NDUFS1: variants seen among roughly 807,000 people sequenced by gnomAD.
NDUFS1 encodes NADH-ubiquinone oxidoreductase 75 kDa subunit, mitochondrial.
A neutral mutation model predicts 84.4 loss-of-function variants in NDUFS1; 61 were observed. That is an observed-to-expected ratio of 0.72 (90% confidence interval 0.59 to 0.89). The LOEUF (loss-of-function observed/expected upper bound fraction) is 0.89. Ranked by LOEUF, NDUFS1 falls within the 40% of genes least tolerant of loss-of-function variation. The pLI is 0.00. For synonymous variants in NDUFS1, 275 were observed against 290.0 expected, an observed-to-expected ratio of 0.95 and a Z score of 0.53; for missense variants, 891 against 890.0, an observed-to-expected ratio of 1.00 and a Z score of -0.01.
chr2:206,133,090 T>C lies in NDUFS1; in HGVS notation c.1408A>G (p.Lys470Glu). ...HPFSQVLKEA[K>E]KPMVVLGSSA... ...CTGCCTAAAACCACCATTGGTTTTT[T>C]AGCTTCCTTTAGGACCTATTTAAAA... The change falls in exon 14 of 19, where the codon AAA becomes GAA. Residue 470 changes from lysine to glutamate, a missense_variant. By Grantham distance (56) the Lys-to-Glu change is moderately conservative. Transcript: ENST00000233190. 1.9e-6 allele frequency: 3 copies of C among 1,612,526 alleles called. No individual in the cohort carries two copies. The South Asian group carries it at 3.3e-5, about 18-fold the overall frequency.
Position 206,142,010 on chromosome 2 carries a change from T to C in NDUFS1, c.1193A>G (p.Asp398Gly), listed in dbSNP as rs758812314. The C allele has an allele frequency of 1.9e-5, 30 of 1,607,936 alleles. No homozygotes were observed. The highest frequency in any genetic ancestry group is 2.6e-5 in the Non-Finnish European group (30 of 1,174,370). Residue 398 changes from aspartate (D) to glycine (G), a missense_variant, in exon 12 of 19, where the codon GAT becomes GGT. Coordinates refer to ENST00000233190, the MANE Select transcript of NDUFS1 (RefSeq NM_005006.7). Reference sequence around the variant, plus strand: ...GTTTGTACCAACCAGAAGAACAACATCTGCCTCTTCCACACCAGCAATTGT... The same window carrying C: ...GTTTGTACCAACCAGAAGAACAACACCTGCCTCTTCCACACCAGCAATTGT... ...NTTIAGVEEA[D>G]VVLLVGTNPR...
rs562922604 is a variant in NDUFS1, at chr2:206,155,644, C to T, written c.-4-1962G>A. ...CGTTGGCCAAGGTGGTCCTGAAGTC[C>T]TGATCTCAGGTGATCCACCTGCCTT... is the stretch of plus-strand genomic sequence containing the variant. On this transcript the variant is annotated intron_variant, in intron 1 of 18. Coordinates refer to ENST00000233190, the MANE Select transcript of NDUFS1 (RefSeq NM_005006.7). Among the ~76,000 whole-genome samples the T allele has an allele frequency of 2.0e-3, 308 of 151,110 alleles. 1 individual carries two copies. The highest frequency in any genetic ancestry group is 7.1e-3 in the African/African-American group (292 of 41,182).
At chr2:206,149,623 T>C (rs2105977844) in intron 4 of NDUFS1, among the ~76,000 whole-genome samples, 195 bp downstream of exon 4, 1 of 152,228 alleles carries the variant, frequency 6.6e-6, no homozygotes, top group South Asian at 2.1e-4. Flanking sequence ...ATGACATGTG[T>C]TTGTAAAGCA....
At position 206,147,048 on chromosome 2, in the gene NDUFS1, T is replaced by C. The variant is rs1309978370; in HGVS notation, c.592A>G (p.Thr198Ala). The C allele has an allele frequency of 6.2e-7, 1 of 1,614,036 alleles. No individual in the cohort carries two copies. The highest frequency in any genetic ancestry group is 2.2e-5 in the East Asian group (1 of 44,888). Reference protein sequence around the residue: ...EIAGVDDLGTTGRGNDMQVGT... With the variant: ...EIAGVDDLGTAGRGNDMQVGT... The stretch of plus-strand genomic sequence containing the variant: ...ACTTGCATATCATTTCCTCTGCCTG[T>C]TGTTCCCAAATCATCTACTCCTGCA... The change falls in exon 8 of 19, where the codon ACA (threonine) becomes GCA (alanine). Residue 198 changes from threonine (T) to alanine (A), a missense_variant. Thr to Ala is a moderately conservative substitution (Grantham distance 58). Coordinates refer to ENST00000233190, the MANE Select transcript of NDUFS1 (RefSeq NM_005006.7).
chr2:206,150,061 A>C, intron 3 of NDUFS1, 136 bp from the exon 4 acceptor site: 1 of 394,528 alleles, frequency 2.5e-6, no homozygotes, highest in Non-Finnish European at 4.3e-6. Context: ...ATCTTAATTC[A>C]TTCTTATTTC....
intron 14 of NDUFS1, among the ~76,000 whole-genome samples, chr2:206,131,040 T>C (rs1575953365): frequency 6.6e-6 from 1 of 152,320 alleles, no homozygotes; most frequent in African/African-American, 2.4e-5. Flanking sequence ...CAAAATAATC[T>C]TTTAAAGAAG....
intron 1 of NDUFS1, 106 bp downstream of exon 1, chr2:206,159,235 C>A: frequency 1.7e-6 from 2 of 1,190,798 alleles, no homozygotes; most frequent in South Asian, 1.3e-5. Flanking sequence ...GGCGCCCAGT[C>A]AAGGACAACA....
intron 11 of NDUFS1, among the ~76,000 whole-genome samples, 197 bp from the exon 12 acceptor site, chr2:206,142,266 G>A (rs949596972): frequency 2.6e-5 from 4 of 152,116 alleles, no homozygotes; most frequent in African/African-American, 9.7e-5. Context: ...ACGCTGGAAT[G>A]CAGTGGCGTG....
At chr2:206,157,219 G>A (rs918573259) in intron 1 of NDUFS1, among the ~76,000 whole-genome samples, 9 of 152,298 alleles carry the variant, frequency 5.9e-5, no homozygotes, top group Non-Finnish European at 7.4e-5. Context: ...CCAACGTGTT[G>A]GGATTACAGA....
At chr2:206,128,026 A>G in intron 15 of NDUFS1, 54 bp from the exon 16 acceptor site, 1 of 1,557,612 alleles carries the variant, frequency 6.4e-7, no homozygotes, top group South Asian at 1.1e-5. Flanking sequence ...CTGATTTTCT[A>G]CTGTACATGA....
intron 4 of NDUFS1, among the ~76,000 whole-genome samples, chr2:206,149,429 A>G (rs530446798): frequency 1.3e-5 from 2 of 152,182 alleles, no homozygotes; most frequent in Non-Finnish European, 2.9e-5. Flanking sequence ...CATACACCAA[A>G]ATGAAATTAA....
chr2:206,130,112 T>C lies in NDUFS1; in HGVS notation c.1684A>G (p.Lys562Glu), dbSNP rs1691447312. Reference sequence around the variant, plus strand: ...CCTTGATAAATAATGAAACAATCCTTTGGCAAATCCTGTCGTGTGATACAA... The same window carrying C: ...CCTTGATAAATAATGAAACAATCCTCTGGCAAATCCTGTCGTGTGATACAA... Reference protein sequence around the residue: ...GGCITRQDLPKDCFIIYQGHH... With the variant: ...GGCITRQDLPEDCFIIYQGHH... Residue 562 changes from lysine to glutamate, a missense_variant, in exon 15 of 19, where the codon AAG becomes GAG. Physicochemically the swap from Lys to Glu is moderately conservative, Grantham distance 56. Coordinates refer to ENST00000233190, the MANE Select transcript of NDUFS1 (RefSeq NM_005006.7). The C allele has an allele frequency of 6.2e-7, 1 of 1,614,072 alleles. No homozygotes were observed. The highest frequency in any genetic ancestry group is 1.3e-5 in the African/African-American group (1 of 74,920).
At position 206,121,453 on chromosome 2, in the gene NDUFS1, T is replaced by C. The variant is rs1691092168; in HGVS notation, c.*2732A>G. On this transcript the variant is annotated 3_prime_UTR_variant, in exon 19 of 19. Coordinates refer to ENST00000233190, the MANE Select transcript of NDUFS1 (RefSeq NM_005006.7). ...TCCCAGAGGAGGTATTATTTATTTA[T>C]TTATTTATTTTTTGAGAGGGAGGCT... The C allele has an allele frequency of 6.6e-6, 1 of 152,196 alleles. No homozygotes were observed. Among genetic ancestry groups the C allele is most frequent in the African/African-American group, 2.4e-5 (1 of 41,444 alleles). 9.4% of individuals were successfully genotyped at this position (152,196 alleles called of 1,614,324 possible).
chr2:206,135,998 C>T (rs2105957051), intron 13 of NDUFS1, among the ~76,000 whole-genome samples: 1 of 151,814 alleles, frequency 6.6e-6, no homozygotes, highest in African/African-American at 2.4e-5. Flanking sequence ...GGAAGGCAGG[C>T]TCTCTTTGAT....
At position 206,146,939 on chromosome 2, in the gene NDUFS1, TTA is replaced by T. The variant is rs1553506655; in HGVS notation, c.699_700del (p.Lys234AlafsTer18). ...AGGCCGGGCAGTAAAGGCATAGGGCTTAGAGGTTAGGGCACCTACAGGGCAGA... is the reference window on the plus strand; with the variant it reads ...AGGCCGGGCAGTAAAGGCATAGGGCTGAGGTTAGGGCACCTACAGGGCAGA... On this transcript the variant is annotated frameshift_variant, in exon 8 of 19. Transcript: ENST00000233190. LOFTEE classifies it high-confidence loss of function. The T allele has an allele frequency of 1.9e-5, 31 of 1,614,124 alleles. No individual in the cohort carries two copies. The highest frequency in any genetic ancestry group is 2.5e-5 in the Non-Finnish European group (29 of 1,179,992).
chr2:206,134,133 C>T (rs1691618639), intron 13 of NDUFS1, among the ~76,000 whole-genome samples: 1 of 152,090 alleles, frequency 6.6e-6, no homozygotes, highest in East Asian at 1.9e-4. Context: ...ACATTAATCA[C>T]AAGAGGAATT....
rs779996498 is a variant in NDUFS1, at chr2:206,132,960, A to C, written c.1538T>G (p.Met513Arg). Residue 513 changes from methionine to arginine, a missense_variant, in exon 14 of 19, where the codon ATG (methionine) becomes AGG (arginine). By Grantham distance (91) the Met-to-Arg change is moderately conservative. Transcript: ENST00000233190. ...TSGVTGDWKV[M>R]NILHRIASQV... The stretch of plus-strand genomic sequence containing the variant: ...CTCAACAAACCTATGAAGGATATTC[A>C]TAACTTTCCAATCACCAGTAACACC... 1 of 1,613,920 alleles carries C rather than the reference A, an allele frequency of 6.2e-7. No individual in the cohort carries two copies. The highest frequency in any genetic ancestry group is 8.5e-7 in the Non-Finnish European group (1 of 1,179,854).
chr2:206,152,622 C>T (rs1478006442), intron 2 of NDUFS1, 112 bp from the exon 3 acceptor site: 2 of 850,660 alleles, frequency 2.4e-6, no homozygotes, highest in African/African-American at 1.7e-5. Flanking sequence ...CCTTATTATT[C>T]CTCTGTATTG....
rs769167029 is a variant in NDUFS1 at position 206,138,556 on chromosome 2, T to C, written c.1321A>G (p.Thr441Ala). ...LIGSPVDLTY[T>A]YDHLGDSPKI... ...GGGGAGTCTCCCAGGTGGTCATATG[T>C]GTAAGTGAGGTCCACTGGACTGCCT... Residue 441 changes from threonine (T) to alanine (A), a missense_variant, in exon 13 of 19, where the codon ACA becomes GCA. Transcript: ENST00000233190. 6 of 1,613,944 alleles carry C rather than the reference T, an allele frequency of 3.7e-6. No homozygotes were observed. In the Admixed American group the frequency reaches 1.0e-4, roughly 27 times the overall value.
Sources: gnomAD v4.1 joint callset for allele counts (sites outside exome capture counted in the v4.1 genomes callset) on GRCh38, gnomAD v4.1.1 for gene constraint, MANE v1.5 for transcripts, NCBI Gene and HGNC (gene_info 2026-07-23, HGNC 2026-07-21) for gene names.